The following TK1 variants were observed in gnomAD, a reference collection of about 807,000 sequenced individuals.
TK1 encodes thymidine kinase, cytosolic.
TK1 carries 13 observed loss-of-function variants against 22.4 expected under a neutral mutation model. The ratio of observed to expected loss-of-function variants is 0.58; its 90% CI spans 0.38 to 0.92. The LOEUF (loss-of-function observed/expected upper bound fraction) is 0.92. Among genes scored for constraint, TK1 ranks in the 40% least tolerant of loss-of-function variants. The pLI is 0.00. For missense variants in TK1, 251 were observed against 315.7 expected, an observed-to-expected ratio of 0.80 and a Z score of 1.55; for synonymous variants, 134 against 125.4, an observed-to-expected ratio of 1.07 and a Z score of -0.46.
chr17:78,183,498 G>C (rs973652763), intron 3 of TK1, among the ~76,000 whole-genome samples: 60 of 152,142 alleles, frequency 3.9e-4, no homozygotes, highest in African/African-American at 1.4e-3. Context: ...TTCGAGACCA[G>C]CCTGGGTAAC....
upstream of TK1, chr17:78,187,121 G>T: frequency 8.8e-7 from 1 of 1,136,530 alleles, no homozygotes. Context: ...CCGCCGCCAT[G>T]GGGCCAATCA....
intron 3 of TK1, among the ~76,000 whole-genome samples, chr17:78,183,469 G>C (rs1489077580): frequency 6.6e-6 from 1 of 152,156 alleles, no homozygotes; most frequent in African/African-American, 2.4e-5. Flanking sequence ...AAGACGGGAG[G>C]ATCACTTGAA....
rs2075680324 is a variant in TK1 at position 78,174,139 on chromosome 17, C to T, written c.*620G>A. On this transcript the variant is annotated 3_prime_UTR_variant, in exon 7 of 7. Transcript: ENST00000301634. Reference sequence around the variant, plus strand: ...ATAAGCTACAGCAGAGGCGTGGACCCTGCCCTCTCCACACTTGAAGAGATA... The same window carrying T: ...ATAAGCTACAGCAGAGGCGTGGACCTTGCCCTCTCCACACTTGAAGAGATA... 6.6e-6 allele frequency: 1 copy of T among 152,504 alleles called. No individual in the cohort carries two copies. Among genetic ancestry groups the T allele is most frequent in the Non-Finnish European group, 1.5e-5 (1 of 68,240 alleles). 9.4% of individuals were successfully genotyped at this position (152,504 alleles called of 1,614,324 possible). A position where few individuals can be genotyped will look rare whatever the true frequency, so the allele number is the denominator to read the frequency against.
chr17:78,186,767 C>CA lies in TK1; in HGVS notation c.98+19dup. 6.3e-7 allele frequency: 1 copy of CA among 1,578,482 alleles called. No individual in the cohort carries two copies. Among genetic ancestry groups the CA allele is most frequent in the Non-Finnish European group, 8.6e-7 (1 of 1,162,612 alleles). ...CGGAGAAGAGGAAGGAGCTCCACCC[C>CA]AGCCCCGCGAAGCCATTACCTTTTT... is the stretch of plus-strand genomic sequence containing the variant. On this transcript the variant is annotated intron_variant, in intron 2 of 6. Coordinates refer to ENST00000301634, the MANE Select transcript of TK1 (RefSeq NM_003258.5).
chr17:78,186,972 G>A lies in TK1; in HGVS notation c.23C>T (p.Thr8Ile), dbSNP rs1004654586. MSCINLP[T>I]VLPGSPSKTR... ...CTTGCTGGGGGAGCCAGGCAGCACA[G>A]TGGGCAGGTTAATGCAGCTCATTGC... is the stretch of plus-strand genomic sequence containing the variant. The change falls in exon 1 of 7, where the codon ACT (threonine) becomes ATT (isoleucine). Residue 8 changes from threonine (T) to isoleucine (I), a missense_variant. Transcript: ENST00000301634. 8 of 1,579,516 alleles carry A rather than the reference G, an allele frequency of 5.1e-6. No individual in the cohort carries two copies. In the African/African-American group the frequency reaches 6.8e-5, roughly 13 times the overall value.
intron 4 of TK1, among the ~76,000 whole-genome samples, chr17:78,177,264 T>C (rs1313753816): frequency 6.6e-6 from 1 of 152,186 alleles, no homozygotes; most frequent in Non-Finnish European, 1.5e-5. Context: ...ATCTGAAACT[T>C]TTTGAGCGCC....
intron 4 of TK1, among the ~76,000 whole-genome samples, chr17:78,178,406 AAAG>A (rs1190776666): frequency 1.3e-5 from 2 of 152,172 alleles, no homozygotes; most frequent in African/African-American, 4.8e-5. Flanking sequence ...CCCGGGGTAC[AAAG>A]AAGCACAGAA....
intron 2 of TK1, 87 bp from the exon 3 acceptor site, chr17:78,185,252 G>T: frequency 1.0e-6 from 1 of 977,018 alleles, no homozygotes; most frequent in African/African-American, 1.6e-5. Context: ...GCTCCTCATT[G>T]TCCCTAGTGG....
intron 4 of TK1, among the ~76,000 whole-genome samples, chr17:78,175,833 C>T (rs1406419375): frequency 6.6e-6 from 1 of 152,198 alleles, no homozygotes; most frequent in African/African-American, 2.4e-5. Context: ...CAGCCCCTTC[C>T]CCCTGCAGCC....
chr17:78,176,709 A>G (rs923466045), intron 4 of TK1, among the ~76,000 whole-genome samples: 1 of 151,976 alleles, frequency 6.6e-6, no homozygotes, highest in African/African-American at 2.4e-5. Context: ...CCGGCACACC[A>G]CCTGCGCCAG....
intron 3 of TK1, 85 bp from the exon 4 acceptor site, chr17:78,182,767 C>T: frequency 1.0e-6 from 1 of 980,596 alleles, no homozygotes; most frequent in South Asian, 2.2e-5. Context: ...CTGTCGTGAC[C>T]ACCTGCTACC....
rs775093332 is a variant in TK1 at position 78,174,964 on chromosome 17, CAG to C, written c.514-16_514-15del. The C allele has an allele frequency of 8.6e-5, 139 of 1,611,678 alleles. 2 individuals carry two copies. The highest frequency in any genetic ancestry group is 6.7e-4 in the South Asian group (61 of 90,970). ...AATCACCTCGACCTGGCCGCAGGGACAGGGGATGGGTGAAGGGCCAGGACAGG... is the reference window on the plus strand; with the variant it reads ...AATCACCTCGACCTGGCCGCAGGGACGGGATGGGTGAAGGGCCAGGACAGG... On this transcript the variant is annotated splice_polypyrimidine_tract_variant and intron_variant, in intron 6 of 6. Coordinates refer to ENST00000301634, the MANE Select transcript of TK1 (RefSeq NM_003258.5).
At chr17:78,187,161 T>G, upstream of TK1, 1 of 932,366 alleles carries the variant, frequency 1.1e-6, no homozygotes, top group South Asian at 1.4e-5. Flanking sequence ...GCGGGAGATT[T>G]GGCCGCAGCC....
Position 78,175,459 on chromosome 17 carries a change from GTC to G in TK1, c.393+68_393+69del, listed in dbSNP as rs1306283129. ...TGAGCCCTGGTCACCCAGAGCTGGT[GTC>G]TCTGTGCCCATCCAGAAGCCTCTTG... On this transcript the variant is annotated intron_variant, in intron 5 of 6. Transcript: ENST00000301634. 3 of 1,449,870 alleles carry G rather than the reference GTC, an allele frequency of 2.1e-6. No homozygotes were observed. In the East Asian group the frequency reaches 6.8e-5, roughly 33 times the overall value. 89.8% of individuals were successfully genotyped at this position (1,449,870 alleles called of 1,614,324 possible).
intron 4 of TK1, among the ~76,000 whole-genome samples, chr17:78,182,127 G>A (rs748593546): frequency 6.6e-6 from 1 of 151,808 alleles, no homozygotes; most frequent in African/African-American, 2.4e-5. Context: ...TAATCCCAGC[G>A]CTTTGGGAGT....
At chr17:78,181,118 C>T (rs1188498174) in intron 4 of TK1, among the ~76,000 whole-genome samples, 1 of 130,336 alleles carries the variant, frequency 7.7e-6, no homozygotes, top group African/African-American at 2.6e-5. Flanking sequence ...CATGGTGGCA[C>T]GCACCTGTGA....
At chr17:78,175,781 C>T (rs2075695018) in intron 4 of TK1, among the ~76,000 whole-genome samples, 163 bp from the exon 5 acceptor site, 1 of 152,140 alleles carries the variant, frequency 6.6e-6, no homozygotes, top group Non-Finnish European at 1.5e-5. Context: ...CTGTGTCCAC[C>T]CGCACGCCCC....
intron 4 of TK1, among the ~76,000 whole-genome samples, chr17:78,180,147 A>G (rs76730283): frequency 1.9e-3 from 287 of 152,372 alleles, no homozygotes; most frequent in Admixed American, 4.5e-3. Context: ...AGTCTTTGAA[A>G]GATCAGCAGA....
chr17:78,180,194 CCT>C (rs1347839673), intron 4 of TK1, among the ~76,000 whole-genome samples: 9 of 152,244 alleles, frequency 5.9e-5, no homozygotes, highest in Non-Finnish European at 1.0e-4. Flanking sequence ...CCCATGAAAA[CCT>C]CACACCCAGG....
Sources: gnomAD v4.1 joint callset for allele counts (sites outside exome capture counted in the v4.1 genomes callset) on GRCh38, gnomAD v4.1.1 for gene constraint, MANE v1.5 for transcripts, NCBI Gene and HGNC (gene_info 2026-07-23, HGNC 2026-07-21) for gene names.